TM9SF4: variants seen among roughly 807,000 people sequenced by gnomAD.
TM9SF4 encodes the protein dinucleotide oxidase disulfide thiol exchanger 3 superfamily member 4.
TM9SF4 carries 26 observed loss-of-function variants against 90.4 expected under a neutral mutation model. That is an observed-to-expected ratio of 0.29 (90% CI 0.21 to 0.40). The LOEUF (loss-of-function observed/expected upper bound fraction) is 0.40. Among genes scored for constraint, TM9SF4 ranks in the 10% least tolerant of loss-of-function variants. The probability of loss-of-function intolerance (pLI) is 1.00; values close to 1 mark genes in which losing one functional copy is unlikely to be tolerated. For synonymous variants in TM9SF4, 293 were observed against 315.4 expected (o/e 0.93, Z 0.75); for missense variants, 549 against 834.8 (o/e 0.66, Z 4.22).
chr20:32,123,220 GGGGAGA>G (rs1389972542), intron 1 of TM9SF4, among the ~76,000 whole-genome samples: 2 of 41,580 alleles, frequency 4.8e-5, no homozygotes, highest in African/African-American at 8.4e-5. Context: ...GAGGGGGGAG[GGGGAGA>G]GGGAGAGGGA....
chr20:32,151,914 T>G (rs2122445425), intron 12 of TM9SF4, among the ~76,000 whole-genome samples: 1 of 151,684 alleles, frequency 6.6e-6, no homozygotes, highest in East Asian at 1.9e-4. Flanking sequence ...CAGGCTGGAG[T>G]GCAGTGGTGT....
intron 3 of TM9SF4, among the ~76,000 whole-genome samples, chr20:32,137,397 G>C (rs1169130136): frequency 6.6e-6 from 1 of 152,354 alleles, no homozygotes; most frequent in Middle Eastern, 3.4e-3. Context: ...GGCACTCTTA[G>C]TATGATCCTG....
At chr20:32,133,811 A>T (rs6121353) in intron 2 of TM9SF4, among the ~76,000 whole-genome samples, 15,015 of 151,986 alleles carry the variant, frequency 0.099, 1,536 homozygotes, top group African/African-American at 0.26. Flanking sequence ...TTCAAACCCC[A>T]TCTCTATTTA....
intron 9 of TM9SF4, 124 bp from the exon 10 acceptor site, chr20:32,149,510 T>TA (rs2046810921): frequency 9.4e-6 from 12 of 1,273,864 alleles, no homozygotes; most frequent in Non-Finnish European, 1.3e-5. Context: ...TCCTATCACT[T>TA]ACACTCCTGT....
chr20:32,145,287 C>CT (rs1600823083), intron 7 of TM9SF4, 25 bp from the exon 8 acceptor site: 9 of 1,613,456 alleles, frequency 5.6e-6, no homozygotes, highest in South Asian at 3.3e-5. Flanking sequence ...ATGCCTGACT[C>CT]TAAGTGCTTC....
chr20:32,149,629 T>A lies in TM9SF4; in HGVS notation c.955-5T>A. ...AACCAGCCTCACTCTGGCCCTTCGC[T>A]GCAGGAAGACACCATGGAGGAGTCT... On this transcript the variant is annotated splice_polypyrimidine_tract_variant and splice_region_variant and intron_variant, in intron 9 of 17. Transcript: ENST00000398022. The A allele has an allele frequency of 6.2e-7, 1 of 1,614,184 alleles. No individual in the cohort carries two copies.
At chr20:32,162,658 A>G (rs2047034169) in intron 17 of TM9SF4, among the ~76,000 whole-genome samples, 1 of 152,106 alleles carries the variant, frequency 6.6e-6, no homozygotes, top group Admixed American at 6.5e-5. Context: ...CTCCCTCCTA[A>G]CATTCCCATT....
intron 1 of TM9SF4, among the ~76,000 whole-genome samples, chr20:32,117,448 AATGC>A (rs1294032805): frequency 1.3e-5 from 2 of 152,130 alleles, no homozygotes; most frequent in East Asian, 3.8e-4. Flanking sequence ...GTTACAGAGA[AATGC>A]AAGTGAATGA....
At chr20:32,110,451 G>C (rs2046126901) in intron 1 of TM9SF4, among the ~76,000 whole-genome samples, 1 of 152,192 alleles carries the variant, frequency 6.6e-6, no homozygotes, top group African/African-American at 2.4e-5. Context: ...ATCTCGAGGT[G>C]TGTAGGGGGA....
intron 3 of TM9SF4, among the ~76,000 whole-genome samples, chr20:32,136,723 C>A (rs913691463): frequency 6.6e-6 from 1 of 152,194 alleles, no homozygotes; most frequent in African/African-American, 2.4e-5. Context: ...TTAAATAATT[C>A]TCCATTTGAC....
At chr20:32,140,869 G>T (rs781717019) in intron 3 of TM9SF4, among the ~76,000 whole-genome samples, 70 of 152,196 alleles carry the variant, frequency 4.6e-4, no homozygotes, top group Non-Finnish European at 6.6e-4. Context: ...GAGGCCAGGA[G>T]CATGGGGCAG....
chr20:32,145,146 G>GCCCCAAGAAATTGAC lies in TM9SF4; in HGVS notation c.712_726dup (p.Gln238_Pro242dup). On this transcript the variant is annotated inframe_insertion, in exon 7 of 18. Transcript: ENST00000398022. ...CTCTGCCTGAGGGTACCAACTCCTC[G>GCCCCAAGAAATTGAC]CCCCAAGAAATTGACCCCACCAAGG... 1 of 1,614,078 alleles carries GCCCCAAGAAATTGAC rather than the reference G, an allele frequency of 6.2e-7. No homozygotes were observed. The highest frequency in any genetic ancestry group is 8.5e-7 in the Non-Finnish European group (1 of 1,180,020).
At chr20:32,117,588 A>G (rs926934930) in intron 1 of TM9SF4, among the ~76,000 whole-genome samples, 1 of 152,142 alleles carries the variant, frequency 6.6e-6, no homozygotes, top group Non-Finnish European at 1.5e-5. Flanking sequence ...GCAGCCCTTC[A>G]TTAGACAGCT....
intron 3 of TM9SF4, chr20:32,136,927 C>T (rs921590976): frequency 2.1e-6 from 1 of 471,220 alleles, no homozygotes; most frequent in African/African-American, 2.0e-5. Context: ...AAAGGGCTGC[C>T]TTCTCCGTCA....
At chr20:32,135,759 CT>C (rs2046586149) in intron 2 of TM9SF4, among the ~76,000 whole-genome samples, 1 of 152,100 alleles carries the variant, frequency 6.6e-6, no homozygotes, top group African/African-American at 2.4e-5. Flanking sequence ...TCCTAAAATG[CT>C]TTTTTTCCTT....
chr20:32,141,087 T>TGG (rs1569080022), intron 3 of TM9SF4, among the ~76,000 whole-genome samples: 8 of 151,384 alleles, frequency 5.3e-5, no homozygotes, highest in Non-Finnish European at 8.9e-5. Flanking sequence ...CGTGGTGGCA[T>TGG]GCACCTGTAG....
At chr20:32,156,640 T>A (rs2046925535) in intron 13 of TM9SF4, among the ~76,000 whole-genome samples, 2 of 152,246 alleles carry the variant, frequency 1.3e-5, no homozygotes, top group South Asian at 4.1e-4. Flanking sequence ...AGGGTCTCAC[T>A]CTGTTGCTCA....
intron 8 of TM9SF4, among the ~76,000 whole-genome samples, chr20:32,146,215 T>C (rs1331779320): frequency 6.6e-6 from 1 of 152,110 alleles, no homozygotes; most frequent in Non-Finnish European, 1.5e-5. Flanking sequence ...TATGGCCCAT[T>C]CTCTTAACCA....
chr20:32,161,064 C>A, intron 16 of TM9SF4: 3 of 420,910 alleles, frequency 7.1e-6, no homozygotes, highest in East Asian at 4.0e-5. Context: ...GAGGTATAAA[C>A]TGTAAAGTTC....
Sources: gnomAD v4.1 joint callset for allele counts (sites outside exome capture counted in the v4.1 genomes callset) on GRCh38, gnomAD v4.1.1 for gene constraint, MANE v1.5 for transcripts, NCBI Gene and HGNC (gene_info 2026-07-23, HGNC 2026-07-21) for gene names.